DNAH6: variants seen among roughly 807,000 people sequenced by gnomAD.
DNAH6 encodes dynein axonemal heavy chain 6.
A neutral mutation model predicts 491.4 loss-of-function variants in DNAH6; 340 were observed. That is an observed-to-expected ratio of 0.69 (90% CI 0.63 to 0.76). The LOEUF (loss-of-function observed/expected upper bound fraction) is 0.76, where lower values mean the gene tolerates loss of function less well. DNAH6 is among the 30% of genes least tolerant of loss of function. The pLI, the probability that DNAH6 is intolerant of heterozygous loss-of-function variation, is 0.00. For missense variants in DNAH6, 4,443 were observed against 4,972.2 expected (o/e 0.89, Z 3.20); for synonymous variants, 1,603 against 1,686.1 (o/e 0.95, Z 1.21).
At chr2:84,504,907 G>T in the DNAH6 span, among the ~76,000 whole-genome samples, 1 of 152,148 alleles carries the variant, frequency 6.6e-6, no homozygotes, top group East Asian at 1.9e-4. Context: ...GACAGTTGTA[G>T]TTTGGACAGG....
intron 40 of DNAH6, among the ~76,000 whole-genome samples, chr2:84,673,769 C>T (rs761494756): frequency 3.0e-4 from 46 of 152,208 alleles, no homozygotes; most frequent in Non-Finnish European, 5.0e-4. Flanking sequence ...ACTTTTCTGC[C>T]TCCTTATAGT....
At chr2:84,607,525 A>G (rs905977968) in intron 21 of DNAH6, among the ~76,000 whole-genome samples, 1 of 152,156 alleles carries the variant, frequency 6.6e-6, no homozygotes, top group Admixed American at 6.6e-5. Flanking sequence ...AAAACTACCT[A>G]TTGGATACTA....
At chr2:84,786,178 C>T (rs1338196818) in intron 67 of DNAH6, among the ~76,000 whole-genome samples, 4 of 152,138 alleles carry the variant, frequency 2.6e-5, no homozygotes, top group Non-Finnish European at 4.4e-5. Context: ...GTAATCCCAA[C>T]ATTTTGGGAG....
intron 68 of DNAH6, among the ~76,000 whole-genome samples, chr2:84,794,172 T>C (rs1033746570): frequency 2.0e-5 from 3 of 152,120 alleles, no homozygotes; most frequent in Admixed American, 1.3e-4. Context: ...ATACAAAAAT[T>C]AATTCAAGAT....
At chr2:84,489,395 T>A in the DNAH6 span, among the ~76,000 whole-genome samples, 1 of 152,120 alleles carries the variant, frequency 6.6e-6, no homozygotes, top group Non-Finnish European at 1.5e-5. Flanking sequence ...TTAAAAGATA[T>A]GTATCATATC....
chr2:84,813,752 G>C (rs1489602475), intron 74 of DNAH6, among the ~76,000 whole-genome samples: 1 of 152,178 alleles, frequency 6.6e-6, no homozygotes, highest in African/African-American at 2.4e-5. Context: ...TTCCCAGCCA[G>C]GACCAGAGCT....
chr2:84,698,253 G>A (rs1185728693), intron 47 of DNAH6, among the ~76,000 whole-genome samples: 1 of 151,952 alleles, frequency 6.6e-6, no homozygotes, highest in Non-Finnish European at 1.5e-5. Flanking sequence ...TAAGTTTCTG[G>A]CTGTTCTTTC....
At chr2:84,751,601 T>C (rs1673479956) in intron 63 of DNAH6, among the ~76,000 whole-genome samples, 1 of 152,244 alleles carries the variant, frequency 6.6e-6, no homozygotes, top group South Asian at 2.1e-4. Flanking sequence ...GCATCAATAG[T>C]ATCAACTTCT....
intron 29 of DNAH6, 107 bp downstream of exon 29, chr2:84,625,170 A>G: frequency 9.2e-7 from 1 of 1,084,388 alleles, no homozygotes; most frequent in East Asian, 2.9e-5. Flanking sequence ...GACAAGCAAG[A>G]GAAAAGAAAT....
chr2:84,624,873 T>G (rs754575853), intron 28 of DNAH6, 29 bp from the exon 29 acceptor site: 1 of 1,521,608 alleles, frequency 6.6e-7, no homozygotes, highest in African/African-American at 1.4e-5. Flanking sequence ...TTGGTTCCCT[T>G]CATATTGATA....
chr2:84,653,921 A>G (rs1690699943), intron 34 of DNAH6, 47 bp downstream of exon 34: 4 of 1,450,608 alleles, frequency 2.8e-6, no homozygotes, highest in South Asian at 2.8e-5. Flanking sequence ...TTAAATTGGC[A>G]TACTATCGTT....
At chr2:84,465,701 GA>G in the DNAH6 span, among the ~76,000 whole-genome samples, 2 of 152,238 alleles carry the variant, frequency 1.3e-5, no homozygotes, top group African/African-American at 4.8e-5. Context: ...ATGTGCCCAG[GA>G]TTAGAGTATT....
At chr2:84,819,185 G>A in intron 76 of DNAH6, 120 bp from the exon 77 acceptor site, 2 of 619,034 alleles carry the variant, frequency 3.2e-6, no homozygotes, top group Non-Finnish European at 5.6e-6. Context: ...TATTTGTCCA[G>A]CATCTTTAGG....
intron 76 of DNAH6, among the ~76,000 whole-genome samples, chr2:84,817,131 C>A (rs1028475242): frequency 2.6e-4 from 40 of 151,328 alleles, no homozygotes; most frequent in African/African-American, 8.8e-4. Context: ...TACAAGTAAT[C>A]AAATCTTCAA....
intron 58 of DNAH6, among the ~76,000 whole-genome samples, chr2:84,717,868 T>C (rs1697698714): frequency 6.6e-6 from 1 of 152,202 alleles, no homozygotes; most frequent in African/African-American, 2.4e-5. Context: ...CATTTTCATC[T>C]TGGCACAAGC....
chr2:84,525,841 C>A, intron 3 of DNAH6, 103 bp downstream of exon 3: 1 of 838,470 alleles, frequency 1.2e-6, no homozygotes, highest in Non-Finnish European at 1.8e-6. Context: ...AAGTCATTTT[C>A]TATAAGGTTG....
Position 84,594,053 on chromosome 2 carries a change from G to A in DNAH6, c.2692G>A (p.Glu898Lys). ...ACAATTGCTCTGGGATTCTTTCTCT[G>A]AATGGGATAAACTCCAACAAGAATG... Reference protein sequence around the residue: ...LKQLLWDSFSEWDKLQQEWLK... With the variant: ...LKQLLWDSFSKWDKLQQEWLK... The change falls in exon 17 of 77, where the codon GAA becomes AAA. Residue 898 changes from glutamate (E) to lysine (K), a missense_variant. Physicochemically the swap from Glu to Lys is moderately conservative, Grantham distance 56. Transcript: ENST00000389394. 6.5e-7 allele frequency: 1 copy of A among 1,550,152 alleles called. No individual in the cohort carries two copies. The highest frequency in any genetic ancestry group is 8.7e-7 in the Non-Finnish European group (1 of 1,145,850).
chr2:84,635,563 A>T (rs376355428), intron 30 of DNAH6, among the ~76,000 whole-genome samples: 4 of 152,170 alleles, frequency 2.6e-5, no homozygotes, highest in Admixed American at 2.6e-4. Flanking sequence ...TGGCTGAGCA[A>T]TTCACTGAAA....
chr2:84,707,217 C>T lies in DNAH6; in HGVS notation c.8851+198C>T, dbSNP rs531609544. Among the ~76,000 whole-genome samples the T allele has an allele frequency of 5.3e-5, 8 of 152,240 alleles. No individual in the cohort carries two copies. In the East Asian group the frequency reaches 7.7e-4, roughly 15 times the overall value. On this transcript the variant is annotated intron_variant, in intron 53 of 76. Coordinates refer to ENST00000389394, the MANE Select transcript of DNAH6 (RefSeq NM_001370.2). Reference sequence around the variant, plus strand: ...GAACAAGCCTTACTGGAGCATGTTACGTTAAAACACAAAACAGTATGTGAA... The same window carrying T: ...GAACAAGCCTTACTGGAGCATGTTATGTTAAAACACAAAACAGTATGTGAA...
Sources: gnomAD v4.1 joint callset for allele counts (sites outside exome capture counted in the v4.1 genomes callset) on GRCh38, gnomAD v4.1.1 for gene constraint, MANE v1.5 for transcripts, NCBI Gene and HGNC (gene_info 2026-07-23, HGNC 2026-07-21) for gene names.